ASCC2: variants seen among roughly 807,000 people sequenced by gnomAD.
ASCC2 encodes the protein ASC-1 complex subunit P100.
In ASCC2, 42 loss-of-function variants were observed where a neutral mutation model predicts 93.5. The ratio of observed to expected loss-of-function variants is 0.45; its 90% CI spans 0.35 to 0.58. The LOEUF (loss-of-function observed/expected upper bound fraction) is 0.58. ASCC2 is among the 20% of genes least tolerant of loss of function. ASCC2 has a pLI of 0.00. For synonymous variants in ASCC2, 364 were observed against 384.2 expected (o/e 0.95, Z 0.62); for missense variants, 859 against 977.6 (o/e 0.88, Z 1.62).
At chr22:29,794,645 G>A (rs2058193484) in intron 15 of ASCC2, among the ~76,000 whole-genome samples, 1 of 152,214 alleles carries the variant, frequency 6.6e-6, no homozygotes, top group Non-Finnish European at 1.5e-5. Flanking sequence ...GTGAAAAATG[G>A]AAAGCAACTA....
intron 2 of ASCC2, among the ~76,000 whole-genome samples, chr22:29,831,166 G>A (rs917329836): frequency 1.3e-5 from 2 of 152,138 alleles, no homozygotes; most frequent in African/African-American, 2.4e-5. Context: ...CTATTGGGTG[G>A]CTATCATACT....
At chr22:29,798,299 TG>T (rs1351697269) in intron 15 of ASCC2, among the ~76,000 whole-genome samples, 1 of 152,160 alleles carries the variant, frequency 6.6e-6, no homozygotes, top group East Asian at 1.9e-4. Flanking sequence ...GCCTGCACCC[TG>T]TGAGTTGGTT....
At chr22:29,820,323 T>G (rs922774794) in intron 5 of ASCC2, among the ~76,000 whole-genome samples, 2 of 151,946 alleles carry the variant, frequency 1.3e-5, no homozygotes, top group African/African-American at 4.8e-5. Flanking sequence ...CCACCACACC[T>G]GGCTAATTTT....
chr22:29,797,702 CTTAA>C (rs1340045169), intron 15 of ASCC2, among the ~76,000 whole-genome samples: 1 of 152,168 alleles, frequency 6.6e-6, no homozygotes, highest in Non-Finnish European at 1.5e-5. Flanking sequence ...TTTTCAGAGC[CTTAA>C]TGTGCTCTGC....
rs2062133283 is a variant in ASCC2 at position 29,825,101 on chromosome 22, G to C, written c.397C>G (p.His133Asp). Residue 133 changes from histidine (H) to aspartate (D), a missense_variant, in exon 4 of 20, where the codon CAC (histidine) becomes GAC (aspartate). His to Asp is a moderately conservative substitution (Grantham distance 81). Transcript: ENST00000307790. This position sits in a 1 kb window ranked among gnomAD's most constrained non-coding sequence, Gnocchi z 4.9. ...VFLTFLRMST[H>D]KESKDHFISP... ...CAGTGGCTTACTTTGGATTCCTTGT[G>C]AGTGGACATGCGGAGGAAGGTGAGA... 1.3e-6 allele frequency: 2 copies of C among 1,498,618 alleles called. No individual in the cohort carries two copies. The highest frequency in any genetic ancestry group is 1.8e-6 in the Non-Finnish European group (2 of 1,121,080). The allele number at this position is 1,498,618 out of a possible 1,614,324, so 92.8% of individuals were successfully genotyped here. A position where few individuals can be genotyped will look rare whatever the true frequency, so the allele number is the denominator to read the frequency against.
intron 17 of ASCC2, 47 bp from the exon 18 acceptor site, chr22:29,792,582 A>T: frequency 1.9e-6 from 3 of 1,608,882 alleles, no homozygotes; most frequent in Non-Finnish European, 2.5e-6. Flanking sequence ...TTCAACCAGG[A>T]GCAAGAGCCA....
intron 9 of ASCC2, among the ~76,000 whole-genome samples, chr22:29,807,816 G>A (rs1414388020): frequency 1.3e-5 from 2 of 152,088 alleles, no homozygotes; most frequent in Non-Finnish European, 2.9e-5. Context: ...GACTGAAGTG[G>A]GAGGATTGAT....
chr22:29,821,196 T>TA (rs1051098506), intron 5 of ASCC2, among the ~76,000 whole-genome samples: 5 of 152,006 alleles, frequency 3.3e-5, no homozygotes, highest in Admixed American at 3.3e-4. Flanking sequence ...GAGGAACCTC[T>TA]AAAAAAAACT....
In ASCC2 at chr22:29,806,839, A is replaced by T; in HGVS notation, c.974T>A (p.Ile325Asn). 1 of 1,614,074 alleles carries T rather than the reference A, an allele frequency of 6.2e-7. No homozygotes were observed. Among genetic ancestry groups the T allele is most frequent in the Non-Finnish European group, 8.5e-7 (1 of 1,179,962 alleles). The change falls in exon 10 of 20, where the codon ATC becomes AAC. Residue 325 changes from isoleucine to asparagine, a missense_variant. Physicochemically the swap from Ile to Asn is moderately radical, Grantham distance 149 (BLOSUM62 -3). Coordinates refer to ENST00000307790, the MANE Select transcript of ASCC2 (RefSeq NM_032204.5). Reference protein sequence around the residue: ...SRKKLMEIFHIILNQICLLPI... With the variant: ...SRKKLMEIFHNILNQICLLPI... ...AAGGAGGCAGATCTGGTTCAGGATGATGTGGAAAATCTCCATTAGCTTCTT... is the reference window on the plus strand; with the variant it reads ...AAGGAGGCAGATCTGGTTCAGGATGTTGTGGAAAATCTCCATTAGCTTCTT...
chr22:29,825,024 G>A lies in ASCC2; in HGVS notation c.411+63C>T, dbSNP rs1362655247. 4 of 1,301,894 alleles carry A rather than the reference G, an allele frequency of 3.1e-6. No individual in the cohort carries two copies. In the Admixed American group the frequency reaches 8.6e-5, roughly 28 times the overall value. 80.6% of individuals were successfully genotyped at this position (1,301,894 alleles called of 1,614,324 possible). A position where few individuals can be genotyped will look rare whatever the true frequency, so the allele number is the denominator to read the frequency against. ...TTCCAGAGCCTTCCTTCCCAGGGGT[G>A]GAGAGCCCGGCACAGAGGTGTCGAG... On this transcript the variant is annotated intron_variant, in intron 4 of 19. Transcript: ENST00000307790. This position sits in a 1 kb window ranked among gnomAD's most constrained non-coding sequence, Gnocchi z 4.9.
At chr22:29,799,741 A>G (rs2058854902) in intron 15 of ASCC2, among the ~76,000 whole-genome samples, 1 of 152,212 alleles carries the variant, frequency 6.6e-6, no homozygotes, top group Admixed American at 6.5e-5. Flanking sequence ...CATGACATCC[A>G]ACTCTCTGTC....
chr22:29,790,367 G>T, intron 19 of ASCC2, 102 bp downstream of exon 19: 2 of 1,141,664 alleles, frequency 1.8e-6, no homozygotes, highest in South Asian at 2.6e-5. Context: ...CTAAATACAC[G>T]TGGAGCACTT....
At chr22:29,832,171 C>T (rs1435945469) in intron 2 of ASCC2, 74 bp downstream of exon 2, 19 of 1,321,296 alleles carry the variant, frequency 1.4e-5, no homozygotes, top group Admixed American at 1.1e-4. Flanking sequence ...CAGATAAAGA[C>T]GGAATTTACT....
At chr22:29,818,922 C>A (rs559783750) in intron 5 of ASCC2, among the ~76,000 whole-genome samples, 1 of 152,164 alleles carries the variant, frequency 6.6e-6, no homozygotes, top group Non-Finnish European at 1.5e-5. Context: ...TCTTCCCCAG[C>A]AGCCCAGCCA....
At chr22:29,824,000 G>T (rs1296265306) in intron 4 of ASCC2, among the ~76,000 whole-genome samples, 1 of 152,104 alleles carries the variant, frequency 6.6e-6, no homozygotes, top group Non-Finnish European at 1.5e-5. Context: ...AAACCAACCA[G>T]GGCAAAATAG....
intron 2 of ASCC2, among the ~76,000 whole-genome samples, chr22:29,830,063 G>C (rs551588724): frequency 6.6e-6 from 1 of 152,212 alleles, no homozygotes; most frequent in South Asian, 2.1e-4. Context: ...ACCCCTCTTC[G>C]ATCAGGCAGC....
At chr22:29,837,331 G>C (rs2063942494) in intron 1 of ASCC2, among the ~76,000 whole-genome samples, 1 of 152,092 alleles carries the variant, frequency 6.6e-6, no homozygotes, top group East Asian at 1.9e-4. Flanking sequence ...TACTCAGGAG[G>C]CTGAGGCAGG....
intron 1 of ASCC2, among the ~76,000 whole-genome samples, chr22:29,834,877 T>C (rs1283504734): frequency 1.3e-5 from 2 of 152,100 alleles, no homozygotes; most frequent in African/African-American, 2.4e-5. Flanking sequence ...CCTCTAGCCA[T>C]GCTGGAAAGT....
In ASCC2 at chr22:29,791,155, C is replaced by T. The variant is rs148730356; in HGVS notation, c.2023-607G>A. 4.9e-3 allele frequency among the ~76,000 whole-genome samples: 742 copies of T among 152,096 alleles called. 10 individuals carry two copies. Among genetic ancestry groups the T allele is most frequent in the African/African-American group, 0.017 (715 of 41,480 alleles). ...CTTTGGGAGGTCAAGGTGGGAGGAT[C>T]ACTTGAGTCCAGGAGTTTGAGACCA... On this transcript the variant is annotated intron_variant, in intron 18 of 19. Transcript: ENST00000307790.
Sources: allele counts gnomAD v4.1 joint callset (sites outside exome capture counted in the v4.1 genomes callset), GRCh38; gene constraint gnomAD v4.1.1; non-coding constraint Gnocchi (gnomAD v3.1); transcripts MANE v1.5; gene names NCBI Gene and HGNC (gene_info 2026-07-23, HGNC 2026-07-21).